Variants in TBC1D14 observed in about 807,000 individuals in gnomAD.
The protein encoded by TBC1D14 is TBC1 domain family member 14, also known as TBC1 domain family, member 14.
In TBC1D14, 26 loss-of-function variants were observed where a neutral mutation model predicts 79.0. The observed-to-expected ratio is 0.33, with a 90% CI of 0.24 to 0.46. The LOEUF is 0.46. Ranked by LOEUF, TBC1D14 falls within the 20% of genes least tolerant of loss-of-function variation. TBC1D14 has a pLI of 1.00. For missense variants in TBC1D14, 769 were observed against 887.6 expected (o/e 0.87, Z 1.70); for synonymous variants, 394 against 349.9 (o/e 1.13, Z -1.40).
chr4:6,920,106 G>T (rs1032104185), intron 1 of TBC1D14, among the ~76,000 whole-genome samples: 1 of 152,180 alleles, frequency 6.6e-6, no homozygotes, highest in South Asian at 2.1e-4. Flanking sequence ...AGAGATGGGG[G>T]TCTCACTGTG....
At chr4:6,998,435 G>A (rs1286062986) in intron 5 of TBC1D14, among the ~76,000 whole-genome samples, 1 of 152,164 alleles carries the variant, frequency 6.6e-6, no homozygotes, top group African/African-American at 2.4e-5. Context: ...GATAGGGCTG[G>A]GAGCACAGGA....
intron 2 of TBC1D14, among the ~76,000 whole-genome samples, chr4:6,965,438 G>A (rs1359445998): frequency 6.6e-6 from 1 of 152,190 alleles, no homozygotes; most frequent in African/African-American, 2.4e-5. Context: ...GTCTGGGTGT[G>A]TCTGCTTCTC....
chr4:6,944,758 G>T (rs1471929842), intron 2 of TBC1D14, among the ~76,000 whole-genome samples: 1 of 152,202 alleles, frequency 6.6e-6, no homozygotes, highest in Admixed American at 6.5e-5. Flanking sequence ...CCTCATCCCT[G>T]CACTGGTTCC....
intron 12 of TBC1D14, among the ~76,000 whole-genome samples, chr4:7,018,224 A>G (rs1721470457): frequency 6.6e-6 from 1 of 152,166 alleles, no homozygotes; most frequent in Non-Finnish European, 1.5e-5. Flanking sequence ...CTGGCGGGGT[A>G]TAAAGCATGC....
In TBC1D14 at chr4:6,923,616, C is replaced by G. The variant is rs752220496; in HGVS notation, c.227C>G (p.Pro76Arg). ...SGIPTLEIGN[P>R]EPVPCSAVHV... ...ATTCCTACCCTGGAGATCGGGAACCCGGAGCCTGTACCCTGCAGCGCGGTC... is the reference window on the plus strand; with the variant it reads ...ATTCCTACCCTGGAGATCGGGAACCGGGAGCCTGTACCCTGCAGCGCGGTC... Residue 76 changes from proline (P) to arginine (R), a missense_variant, in exon 2 of 14, where the codon CCG becomes CGG. Physicochemically the swap from Pro to Arg is moderately radical, Grantham distance 103. Transcript: ENST00000409757. The G allele has an allele frequency of 6.2e-7, 1 of 1,613,960 alleles. No homozygotes were observed. Among genetic ancestry groups the G allele is most frequent in the Non-Finnish European group, 8.5e-7 (1 of 1,180,006 alleles).
intron 3 of TBC1D14, among the ~76,000 whole-genome samples, chr4:6,990,299 A>G (rs1718356191): frequency 1.3e-5 from 2 of 152,184 alleles, no homozygotes; most frequent in African/African-American, 4.8e-5. Context: ...AAATACAAAA[A>G]TTAGCTGGGC....
intron 5 of TBC1D14, among the ~76,000 whole-genome samples, chr4:6,998,477 GT>G (rs1394457593): frequency 6.6e-6 from 1 of 152,076 alleles, no homozygotes; most frequent in Non-Finnish European, 1.5e-5. Context: ...ACGTTCGGTT[GT>G]TTTGATCAGG....
chr4:7,026,831 AG>A (rs1316106793), intron 13 of TBC1D14, among the ~76,000 whole-genome samples: 1 of 152,298 alleles, frequency 6.6e-6, no homozygotes, highest in East Asian at 1.9e-4. Context: ...TGGGAGGTCA[AG>A]GCTGCACTGG....
chr4:6,934,689 TTGAC>T (rs1712138153), intron 2 of TBC1D14, among the ~76,000 whole-genome samples: 1 of 151,368 alleles, frequency 6.6e-6, no homozygotes, highest in Non-Finnish European at 1.5e-5. Flanking sequence ...ATGAAAAGAA[TTGAC>T]TGTTTAGCAA....
At chr4:6,963,436 A>G (rs1715424886) in intron 2 of TBC1D14, among the ~76,000 whole-genome samples, 1 of 152,376 alleles carries the variant, frequency 6.6e-6, no homozygotes, top group South Asian at 2.1e-4. Context: ...TTGAAGGGAC[A>G]GAGCAGATGG....
intron 9 of TBC1D14, among the ~76,000 whole-genome samples, chr4:7,009,437 A>G (rs977026089): frequency 6.6e-6 from 1 of 152,230 alleles, no homozygotes; most frequent in Admixed American, 6.5e-5. Flanking sequence ...CAACAGAAAC[A>G]AGGAGAGTGA....
chr4:6,969,561 G>A lies in TBC1D14; in HGVS notation c.843+2137G>A, dbSNP rs1027517474. Among the ~76,000 whole-genome samples, 8 of 152,032 alleles carry A rather than the reference G, an allele frequency of 5.3e-5. No homozygotes were observed. The South Asian group carries it at 8.3e-4, about 16-fold the overall frequency. Reference sequence around the variant, plus strand: ...GCTGGGACTACAGGTGCCCACCACCGCGCCTGGCTAACTTTTTGTATTTTT... The same window carrying A: ...GCTGGGACTACAGGTGCCCACCACCACGCCTGGCTAACTTTTTGTATTTTT... On this transcript the variant is annotated intron_variant, in intron 3 of 13. Transcript: ENST00000409757.
At chr4:6,934,512 A>G (rs779098376) in intron 2 of TBC1D14, among the ~76,000 whole-genome samples, 19 of 152,058 alleles carry the variant, frequency 1.2e-4, no homozygotes, top group African/African-American at 3.1e-4. Flanking sequence ...TACAAAAATT[A>G]TCTGGTGTGG....
intron 2 of TBC1D14, among the ~76,000 whole-genome samples, chr4:6,940,058 C>T (rs1712757245): frequency 6.6e-6 from 1 of 152,192 alleles, no homozygotes; most frequent in South Asian, 2.1e-4. Context: ...TGCCTGGAGT[C>T]GTATATTGGG....
chr4:6,923,021 G>A (rs959371047), intron 1 of TBC1D14, among the ~76,000 whole-genome samples: 1 of 152,112 alleles, frequency 6.6e-6, no homozygotes, highest in East Asian at 1.9e-4. Context: ...GCCAACATAG[G>A]GAAACGCTGT....
intron 3 of TBC1D14, among the ~76,000 whole-genome samples, chr4:6,989,519 C>T (rs965668363): frequency 5.3e-5 from 8 of 152,218 alleles, no homozygotes; most frequent in Non-Finnish European, 7.3e-5. Context: ...TCCCCCTGGC[C>T]TCAGGCATCC....
At chr4:7,008,527 C>T (rs1474552967) in intron 9 of TBC1D14, among the ~76,000 whole-genome samples, 1 of 152,208 alleles carries the variant, frequency 6.6e-6, no homozygotes, top group East Asian at 1.9e-4. Flanking sequence ...ATTCTCTTGC[C>T]TCAGCCTCCC....
chr4:7,005,072 GT>G (rs200786665), intron 8 of TBC1D14, 148 bp downstream of exon 8: 25 of 762,448 alleles, frequency 3.3e-5, no homozygotes, highest in South Asian at 1.4e-4. Context: ...TTTTTGTTTT[GT>G]TTTTTTTAGC....
intron 2 of TBC1D14, among the ~76,000 whole-genome samples, chr4:6,938,854 C>G (rs1006848073): frequency 2.0e-5 from 3 of 152,206 alleles, no homozygotes; most frequent in African/African-American, 7.2e-5. Context: ...GCCCAGTGTT[C>G]CATTGTTTCA....
Sources: allele counts gnomAD v4.1 joint callset (sites outside exome capture counted in the v4.1 genomes callset), GRCh38; gene constraint gnomAD v4.1.1; transcripts MANE v1.5; gene names NCBI Gene and HGNC (gene_info 2026-07-23, HGNC 2026-07-21).